The following PRUNE2 variants were observed in gnomAD, a reference collection of about 807,000 sequenced individuals.
PRUNE2 encodes the protein protein prune homolog 2.
In PRUNE2, 164 loss-of-function variants were observed where a neutral mutation model predicts 252.0. That is an observed-to-expected ratio of 0.65 (90% CI 0.57 to 0.74). The LOEUF (loss-of-function observed/expected upper bound fraction) is 0.74, where lower values mean the gene tolerates loss of function less well. Among genes scored for constraint, PRUNE2 ranks in the 30% least tolerant of loss-of-function variants. The pLI, the probability that PRUNE2 is intolerant of heterozygous loss-of-function variation, is 0.00. For missense variants in PRUNE2, 3,495 were observed against 3,711.0 expected (o/e 0.94, Z 1.51); for synonymous variants, 1,292 against 1,350.2 (o/e 0.96, Z 0.94).
chr9:76,637,368 C>A, intron 14 of PRUNE2, 50 bp downstream of exon 14: 1 of 1,590,158 alleles, frequency 6.3e-7, no homozygotes, highest in Non-Finnish European at 8.6e-7. Flanking sequence ...GTTGTTTAGT[C>A]TTCAGTTTAC....
intron 17 of PRUNE2, among the ~76,000 whole-genome samples, chr9:76,622,657 A>G (rs552248695): frequency 6.6e-6 from 1 of 152,348 alleles, no homozygotes; most frequent in East Asian, 1.9e-4. Context: ...AAGCAATTTG[A>G]GTGCAGGTAA....
intron 6 of PRUNE2, among the ~76,000 whole-genome samples, chr9:76,781,438 C>G (rs2054381949): frequency 6.6e-6 from 1 of 152,168 alleles, no homozygotes; most frequent in Admixed American, 6.5e-5. Context: ...CACTTCAGAG[C>G]CTTTGCACTG....
rs181240267 is a variant in PRUNE2, at chr9:76,837,190, T to C, written c.508+9325A>G. ...CGGGCACAGTGGCTCTCTGCTGTAA[T>C]CCCAGAACTTTGGGAGGCCAAGGCG... is the stretch of plus-strand genomic sequence containing the variant. On this transcript the variant is annotated intron_variant, in intron 4 of 18. Transcript: ENST00000376718. Among the ~76,000 whole-genome samples the C allele has an allele frequency of 9.7e-3, 1,471 of 152,204 alleles. 20 individuals carry two copies. The highest frequency in any genetic ancestry group is 0.04 in the South Asian group (191 of 4,816).
intron 4 of PRUNE2, among the ~76,000 whole-genome samples, chr9:76,839,556 T>C (rs2059264802): frequency 2.0e-5 from 3 of 152,216 alleles, no homozygotes; most frequent in Admixed American, 1.3e-4. Flanking sequence ...GATGTGAGAA[T>C]AGGCAGAGGA....
intron 10 of PRUNE2, among the ~76,000 whole-genome samples, chr9:76,653,521 T>C (rs967575223): frequency 6.6e-6 from 1 of 152,192 alleles, no homozygotes; most frequent in Admixed American, 6.5e-5. Context: ...GATTTTTTTT[T>C]CTTTGAATAT....
At chr9:76,870,583 G>A (rs1341392926) in intron 1 of PRUNE2, among the ~76,000 whole-genome samples, 1 of 151,926 alleles carries the variant, frequency 6.6e-6, no homozygotes. Flanking sequence ...CTACTCGGGA[G>A]GCTGAGGCAG....
intron 16 of PRUNE2, among the ~76,000 whole-genome samples, chr9:76,624,692 G>T (rs977794697): frequency 6.6e-6 from 1 of 152,168 alleles, no homozygotes; most frequent in Non-Finnish European, 1.5e-5. Context: ...CATTTACTTT[G>T]CAAATTCCTT....
intron 9 of PRUNE2, among the ~76,000 whole-genome samples, chr9:76,660,781 C>CAAAAA (rs11432174): frequency 6.3e-3 from 613 of 97,918 alleles, no homozygotes; most frequent in Non-Finnish European, 8.0e-3. Context: ...GACTCTGAAT[C>CAAAAA]AAAAAAAAAA....
chr9:76,848,912 T>C (rs947867825), intron 3 of PRUNE2, among the ~76,000 whole-genome samples: 1 of 152,226 alleles, frequency 6.6e-6, no homozygotes, highest in African/African-American at 2.4e-5. Flanking sequence ...TTTTGTTTTT[T>C]GAGGCAGGGT....
chr9:76,694,180 G>GTT (rs112987798), intron 9 of PRUNE2, among the ~76,000 whole-genome samples: 6 of 148,244 alleles, frequency 4.0e-5, no homozygotes, highest in African/African-American at 1.5e-4. Flanking sequence ...GTTTTGTTTC[G>GTT]TTTTTTTTTT....
intron 6 of PRUNE2, among the ~76,000 whole-genome samples, chr9:76,791,590 T>C (rs374760811): frequency 6.8e-6 from 1 of 147,220 alleles, no homozygotes; most frequent in South Asian, 2.3e-4. Context: ...ACAATAATAC[T>C]GCACCAATTA....
chr9:76,627,053 C>T (rs990783378), intron 16 of PRUNE2, among the ~76,000 whole-genome samples: 1 of 151,986 alleles, frequency 6.6e-6, no homozygotes. Context: ...AGAGAATGTC[C>T]TTGTCATCTT....
intron 8 of PRUNE2, 79 bp from the exon 9 acceptor site, chr9:76,704,178 G>T: frequency 2.3e-6 from 2 of 878,728 alleles, no homozygotes; most frequent in South Asian, 5.8e-5. Context: ...CCTTGCAAAT[G>T]ATCATCTAAA....
intron 6 of PRUNE2, among the ~76,000 whole-genome samples, chr9:76,762,618 G>A (rs949929506): frequency 6.6e-6 from 1 of 152,056 alleles, no homozygotes; most frequent in Non-Finnish European, 1.5e-5. Context: ...AACTCTCCAC[G>A]TTTCTTTTTA....
In PRUNE2 at chr9:76,846,621, G is replaced by A. The variant is rs553816550; in HGVS notation, c.402C>T (p.Ser134=). 50 of 1,613,962 alleles carry A rather than the reference G, an allele frequency of 3.1e-5. No homozygotes were observed. Among genetic ancestry groups the A allele is most frequent in the Admixed American group, 1.2e-4 (7 of 60,022 alleles). The part of the protein sequence containing the change: ...VVKVINPVEQ[S]DANVEFRESS... Reference sequence around the variant, plus strand: ...ACTCTCGGAACTCAACGTTGGCATCGCTCTGCTCAACCGGATTAATGACTT... The same window carrying A: ...ACTCTCGGAACTCAACGTTGGCATCACTCTGCTCAACCGGATTAATGACTT... Residue 134 remains serine, a synonymous_variant, in exon 4 of 19, where the codon AGC becomes AGT. Transcript: ENST00000376718.
At chr9:76,825,465 T>C (rs113896535) in intron 5 of PRUNE2, among the ~76,000 whole-genome samples, 7 of 152,202 alleles carry the variant, frequency 4.6e-5, no homozygotes, top group African/African-American at 7.2e-5. Context: ...CCTATCAGTG[T>C]TGACTGGAAC....
intron 6 of PRUNE2, chr9:76,787,371 T>C (rs1228533254): frequency 6.6e-6 from 1 of 152,080 alleles, no homozygotes; most frequent in African/African-American, 2.4e-5. Flanking sequence ...TTGCTGACTT[T>C]TAAAATAAGT....
At position 76,674,473 on chromosome 9, in the gene PRUNE2, A is replaced by G. The variant is rs568825745; in HGVS notation, c.8277-18971T>C. 3.9e-3 allele frequency among the ~76,000 whole-genome samples: 595 copies of G among 152,236 alleles called. 4 individuals carry two copies. The highest frequency in any genetic ancestry group is 0.013 in the African/African-American group (542 of 41,554). ...GGGTAGTAAGAATCAATATCGTGAA[A>G]ATGGCCATACTGCCCAAGGTAATTT... On this transcript the variant is annotated intron_variant, in intron 9 of 18. Coordinates refer to ENST00000376718, the MANE Select transcript of PRUNE2 (RefSeq NM_015225.3).
intron 9 of PRUNE2, among the ~76,000 whole-genome samples, chr9:76,685,413 T>C (rs1001582771): frequency 9.9e-5 from 15 of 152,150 alleles, no homozygotes; most frequent in African/African-American, 3.4e-4. Flanking sequence ...TCCTAAGGTA[T>C]CTATTATGGG....
Sources: allele counts gnomAD v4.1 joint callset (sites outside exome capture counted in the v4.1 genomes callset), GRCh38; gene constraint gnomAD v4.1.1; transcripts MANE v1.5; gene names NCBI Gene and HGNC (gene_info 2026-07-23, HGNC 2026-07-21).